DYNC2LI1: variants seen among roughly 807,000 people sequenced by gnomAD.
DYNC2LI1 encodes the protein cytoplasmic dynein 2 light intermediate chain 1.
DYNC2LI1 carries 45 observed loss-of-function variants against 51.9 expected under a neutral mutation model. The observed-to-expected ratio is 0.87, with a 90% CI of 0.68 to 1.11. The LOEUF (loss-of-function observed/expected upper bound fraction) is 1.11, where lower values mean the gene tolerates loss of function less well. Ranked by LOEUF, DYNC2LI1 falls within the 50% of genes most tolerant of loss-of-function variation. The pLI, the probability that DYNC2LI1 is intolerant of heterozygous loss-of-function variation, is 0.00. For missense variants in DYNC2LI1, 490 were observed against 417.4 expected, an observed-to-expected ratio of 1.17 and a Z score of -1.51; for synonymous variants, 130 against 137.8, an observed-to-expected ratio of 0.94 and a Z score of 0.40.
intron 12 of DYNC2LI1, among the ~76,000 whole-genome samples, chr2:43,808,727 G>A (rs1391546649): frequency 1.3e-5 from 2 of 152,150 alleles, no homozygotes; most frequent in Non-Finnish European, 1.5e-5. Context: ...CTATCTGTGT[G>A]CTTTTTTCAT....
At chr2:43,778,806 GT>G (rs1171930096) in intron 2 of DYNC2LI1, among the ~76,000 whole-genome samples, 1 of 151,852 alleles carries the variant, frequency 6.6e-6, no homozygotes, top group East Asian at 1.9e-4. Flanking sequence ...GTTTTGTTTT[GT>G]TTTTTTGTTA....
At chr2:43,799,947 C>CTT (rs1666020536) in intron 8 of DYNC2LI1, among the ~76,000 whole-genome samples, 1 of 152,184 alleles carries the variant, frequency 6.6e-6, no homozygotes, top group African/African-American at 2.4e-5. Flanking sequence ...AATACTTTCT[C>CTT]TGAGAGCATT....
At chr2:43,799,774 C>T (rs1462874002) in intron 8 of DYNC2LI1, among the ~76,000 whole-genome samples, 1 of 152,134 alleles carries the variant, frequency 6.6e-6, no homozygotes, top group Non-Finnish European at 1.5e-5. Flanking sequence ...TTTCCTTTCT[C>T]ATAAAGAAAA....
chr2:43,826,592 C>T, the DYNC2LI1 span: 3 of 1,604,784 alleles, frequency 1.9e-6, no homozygotes, highest in African/African-American at 4.0e-5. Context: ...ACTCAGAGTT[C>T]TGAACTGTTC....
chr2:43,792,592 C>T, intron 5 of DYNC2LI1: 1 of 1,372,822 alleles, frequency 7.3e-7, no homozygotes, highest in Non-Finnish European at 9.7e-7. Context: ...ATTCTCATCA[C>T]CATACATCTC....
At position 43,809,978 on chromosome 2, in the gene DYNC2LI1, A is replaced by T. The variant is rs913767574; in HGVS notation, c.*211A>T. 1.7e-5 allele frequency: 21 copies of T among 1,247,814 alleles called. No individual in the cohort carries two copies. The highest frequency in any genetic ancestry group is 3.0e-4 in the Middle Eastern group (1 of 3,292). The allele number at this position is 1,247,814 out of a possible 1,614,324, so 77.3% of individuals were successfully genotyped here. On this transcript the variant is annotated 3_prime_UTR_variant, in exon 13 of 13. Transcript: ENST00000260605. ...TGTAGAACCACGTGTAATTTTTTTT[A>T]AAATAAAAGAATCTTCTACTACCTA... is the stretch of plus-strand genomic sequence containing the variant.
the DYNC2LI1 span, chr2:43,822,477 G>GTC: frequency 2.9e-6 from 1 of 349,192 alleles, no homozygotes; most frequent in African/African-American, 3.4e-5. Context: ...CCCTCCCCCA[G>GTC]GCCCCCCCCC....
chr2:43,824,512 T>A, the DYNC2LI1 span: 1 of 1,597,426 alleles, frequency 6.3e-7, no homozygotes, highest in Non-Finnish European at 8.5e-7. Context: ...GGTACAGGAG[T>A]ACTGGCCATA....
At chr2:43,782,082 A>T (rs776733195) in intron 2 of DYNC2LI1, among the ~76,000 whole-genome samples, 7 of 151,734 alleles carry the variant, frequency 4.6e-5, no homozygotes, top group Non-Finnish European at 8.8e-5. Flanking sequence ...AAACAGAGAC[A>T]TGCTGATCTA....
chr2:43,822,656 C>T, the DYNC2LI1 span: 97,998 of 1,539,576 alleles, frequency 0.064, 3,595 homozygotes, highest in Non-Finnish European at 0.077. Context: ...CTGGAAGATA[C>T]GACATTGCAC....
intron 12 of DYNC2LI1, among the ~76,000 whole-genome samples, chr2:43,806,310 A>G (rs1352720003): frequency 6.6e-6 from 1 of 152,246 alleles, no homozygotes; most frequent in Non-Finnish European, 1.5e-5. Context: ...AAGCCCCAGC[A>G]ACTTCTCAGG....
At chr2:43,794,158 C>T (rs1024526934) in intron 5 of DYNC2LI1, 9 of 240,578 alleles carry the variant, frequency 3.7e-5, no homozygotes, top group African/African-American at 1.4e-4. Context: ...TGGATGTAAA[C>T]GTGGCATTGT....
At chr2:43,783,610 C>A in intron 3 of DYNC2LI1, 56 bp downstream of exon 3, 1 of 1,138,960 alleles carries the variant, frequency 8.8e-7, no homozygotes, top group Non-Finnish European at 1.2e-6. Flanking sequence ...TTGTATAGGG[C>A]AAGTTAGCTC....
chr2:43,819,999 C>A, the DYNC2LI1 span: 1 of 1,613,994 alleles, frequency 6.2e-7, no homozygotes, highest in African/African-American at 1.3e-5. Context: ...TTGGACGATA[C>A]CAAGTAGCAC....
the DYNC2LI1 span, chr2:43,824,939 T>TGC: frequency 6.2e-7 from 1 of 1,614,090 alleles, no homozygotes; most frequent in East Asian, 2.2e-5. Flanking sequence ...ACCGCAGTCA[T>TGC]TGAAGAAATC....
intron 8 of DYNC2LI1, among the ~76,000 whole-genome samples, chr2:43,798,902 A>T (rs1323285542): frequency 1.3e-5 from 2 of 149,358 alleles, no homozygotes; most frequent in Admixed American, 6.8e-5. Flanking sequence ...GCAAAATTCC[A>T]TGAAATTTAG....
At chr2:43,783,333 AAGTTG>A (rs1673381162) in intron 2 of DYNC2LI1, among the ~76,000 whole-genome samples, 182 bp from the exon 3 acceptor site, 1 of 152,144 alleles carries the variant, frequency 6.6e-6, no homozygotes, top group Non-Finnish European at 1.5e-5. Flanking sequence ...CTGTGATGGA[AAGTTG>A]ACAGTTAACT....
At chr2:43,814,452 T>C, downstream of DYNC2LI1, 1 of 1,481,490 alleles carries the variant, frequency 6.7e-7, no homozygotes, top group East Asian at 2.3e-5. Flanking sequence ...CATGCAAAAA[T>C]AATATCCCCA....
downstream of DYNC2LI1, chr2:43,810,617 A>G: frequency 1.5e-6 from 1 of 676,568 alleles, no homozygotes; most frequent in Non-Finnish European, 1.8e-6. Context: ...AGATAAGCAC[A>G]TTTACTACCC....
Sources: allele counts gnomAD v4.1 joint callset (sites outside exome capture counted in the v4.1 genomes callset), GRCh38; gene constraint gnomAD v4.1.1; transcripts MANE v1.5; gene names NCBI Gene and HGNC (gene_info 2026-07-23, HGNC 2026-07-21).